Variants in RBMS3 observed in about 807,000 individuals in gnomAD.
RBMS3 encodes the protein RNA binding motif single stranded interacting protein 3.
Under a neutral mutation model 66.8 loss-of-function variants are expected in RBMS3, and 27 were observed. The ratio of observed to expected loss-of-function variants is 0.40; its 90% CI spans 0.30 to 0.56. The LOEUF is 0.56. Ranked by LOEUF, RBMS3 falls within the 20% of genes least tolerant of loss-of-function variation. The pLI is 0.40. For missense variants in RBMS3, 513 were observed against 549.5 expected, an observed-to-expected ratio of 0.93 and a Z score of 0.66; for synonymous variants, 188 against 183.0, an observed-to-expected ratio of 1.03 and a Z score of -0.22.
chr3:29,751,373 T>C (rs1313206206), intron 5 of RBMS3, among the ~76,000 whole-genome samples: 1 of 152,226 alleles, frequency 6.6e-6, no homozygotes, highest in African/African-American at 2.4e-5. Context: ...TGTAATTTTC[T>C]ATTAAAAATG....
intron 9 of RBMS3, among the ~76,000 whole-genome samples, chr3:29,898,942 C>T (rs1000281913): frequency 6.6e-6 from 1 of 151,562 alleles, no homozygotes; most frequent in Non-Finnish European, 1.5e-5. Flanking sequence ...GAGATTACAG[C>T]AATGATCGAT....
At chr3:29,535,710 C>CTTGT (rs2045527787) in intron 3 of RBMS3, among the ~76,000 whole-genome samples, 1 of 39,732 alleles carries the variant, frequency 2.5e-5, no homozygotes, top group Non-Finnish European at 4.2e-5. Flanking sequence ...GATCATTGCT[C>CTTGT]TTTTTTTTTT....
At chr3:29,532,262 G>GTATATATATATATATATA (rs869225843) in intron 3 of RBMS3, among the ~76,000 whole-genome samples, 3 of 62,696 alleles carry the variant, frequency 4.8e-5, no homozygotes, top group East Asian at 1.0e-3. Flanking sequence ...ATATATATAT[G>GTATATATATATATATATA]TATATATATA....
intron 3 of RBMS3, among the ~76,000 whole-genome samples, chr3:29,518,375 T>C (rs893200773): frequency 3.9e-5 from 6 of 152,226 alleles, no homozygotes; most frequent in Non-Finnish European, 7.3e-5. Flanking sequence ...AAACTAATGC[T>C]TCTATTTCTT....
rs950859412 is a variant in RBMS3, at chr3:29,470,031, AT to A, written c.249-18409del. 3.7e-3 allele frequency among the ~76,000 whole-genome samples: 545 copies of A among 148,218 alleles called. 2 individuals are homozygous for A. The highest frequency in any genetic ancestry group is 0.013 in the African/African-American group (523 of 40,942). On this transcript the variant is annotated intron_variant, in intron 2 of 14. Coordinates refer to ENST00000383767, the MANE Select transcript of RBMS3 (RefSeq NM_001003793.3). ...TAATATGTAATTCAATGATTAAAAT[AT>A]ATAAAAGAATAATATACTGATTATA... is the stretch of plus-strand genomic sequence containing the variant.
At chr3:29,912,605 A>G (rs2060543870) in intron 10 of RBMS3, among the ~76,000 whole-genome samples, 1 of 152,092 alleles carries the variant, frequency 6.6e-6, no homozygotes. Context: ...TTACATCTGT[A>G]GAGAGAAACA....
chr3:29,595,411 AAAAAG>A (rs1445370843), intron 4 of RBMS3, among the ~76,000 whole-genome samples: 1 of 151,466 alleles, frequency 6.6e-6, no homozygotes, highest in Non-Finnish European at 1.5e-5. Flanking sequence ...AAAAAAAAAA[AAAAAG>A]AAAAGAAAGA....
intron 5 of RBMS3, among the ~76,000 whole-genome samples, chr3:29,740,804 G>C (rs2054605168): frequency 6.6e-6 from 1 of 152,138 alleles, no homozygotes; most frequent in African/African-American, 2.4e-5. Context: ...CACTTTGGGA[G>C]GCTGAGAAGG....
At chr3:29,794,084 A>G (rs914405958) in intron 6 of RBMS3, among the ~76,000 whole-genome samples, 8 of 152,196 alleles carry the variant, frequency 5.3e-5, no homozygotes, top group Non-Finnish European at 1.2e-4. Context: ...CACCAGAAGC[A>G]GTTGCTAGAA....
intron 6 of RBMS3, among the ~76,000 whole-genome samples, chr3:29,822,110 T>C (rs1197058202): frequency 3.3e-5 from 5 of 152,222 alleles, no homozygotes; most frequent in African/African-American, 1.2e-4. Context: ...AAAGCTTTCT[T>C]GTGTGCTTTT....
At chr3:29,516,283 C>T (rs1443451036) in intron 3 of RBMS3, among the ~76,000 whole-genome samples, 1 of 152,126 alleles carries the variant, frequency 6.6e-6, no homozygotes, top group East Asian at 1.9e-4. Flanking sequence ...ATTTCTAGGA[C>T]ATCCGATGAA....
intron 12 of RBMS3, chr3:29,987,942 G>A (rs1698541355): frequency 4.0e-6 from 2 of 505,608 alleles, no homozygotes; most frequent in Non-Finnish European, 7.1e-6. Context: ...TTAAGAGGTA[G>A]GGCTACTGTG....
At chr3:29,497,682 C>G (rs886240136) in intron 3 of RBMS3, among the ~76,000 whole-genome samples, 2 of 152,090 alleles carry the variant, frequency 1.3e-5, no homozygotes, top group Non-Finnish European at 2.9e-5. Flanking sequence ...TAAGGATACC[C>G]CATCTCTCAT....
At chr3:29,659,535 A>G (rs1322357529) in intron 4 of RBMS3, among the ~76,000 whole-genome samples, 1 of 152,212 alleles carries the variant, frequency 6.6e-6, no homozygotes, top group African/African-American at 2.4e-5. Context: ...CCCAAAGATC[A>G]TGCATGTTGT....
intron 3 of RBMS3, among the ~76,000 whole-genome samples, chr3:29,586,756 A>G (rs2047532770): frequency 6.6e-6 from 1 of 152,074 alleles, no homozygotes; most frequent in South Asian, 2.1e-4. Context: ...TAGGGAGAGA[A>G]TTTTCTATAT....
intron 4 of RBMS3, among the ~76,000 whole-genome samples, chr3:29,657,479 T>C (rs1284400650): frequency 6.6e-6 from 1 of 152,238 alleles, no homozygotes; most frequent in African/African-American, 2.4e-5. Context: ...TTTGAAAATG[T>C]TTATTGTCAG....
chr3:29,999,115 C>A (rs1699445348), intron 14 of RBMS3, among the ~76,000 whole-genome samples: 1 of 151,444 alleles, frequency 6.6e-6, no homozygotes, highest in Non-Finnish European at 1.5e-5. Flanking sequence ...TATGATCAGA[C>A]ACTTCTCAAA....
At chr3:29,646,890 G>A (rs1326218114) in intron 4 of RBMS3, among the ~76,000 whole-genome samples, 3 of 152,122 alleles carry the variant, frequency 2.0e-5, no homozygotes, top group Non-Finnish European at 4.4e-5. Context: ...CAGCTATCTT[G>A]CATATGTATC....
At chr3:29,327,873 G>A (rs6785458) in intron 1 of RBMS3, among the ~76,000 whole-genome samples, 12,761 of 152,174 alleles carry the variant, frequency 0.084, 823 homozygotes, top group East Asian at 0.24. Context: ...AGCTATTATC[G>A]ATCACGTCAG....
Sources: allele counts gnomAD v4.1 joint callset (sites outside exome capture counted in the v4.1 genomes callset), GRCh38; gene constraint gnomAD v4.1.1; transcripts MANE v1.5; gene names NCBI Gene and HGNC (gene_info 2026-07-23, HGNC 2026-07-21).